Variants in CCNY observed in about 807,000 individuals in gnomAD.
CCNY encodes the protein cyclin Y.
A neutral mutation model predicts 42.8 loss-of-function variants in CCNY; 19 were observed. The observed-to-expected ratio is 0.44, with a 90% CI of 0.31 to 0.65. The LOEUF is 0.65. Among genes scored for constraint, CCNY ranks in the 30% least tolerant of loss-of-function variants. The probability of loss-of-function intolerance (pLI) is 0.07; values close to 1 mark genes in which losing one functional copy is unlikely to be tolerated. For missense variants in CCNY, 370 were observed against 437.3 expected (o/e 0.85, Z 1.37); for synonymous variants, 165 against 162.7 (o/e 1.01, Z -0.11).
intron 2 of CCNY, among the ~76,000 whole-genome samples, chr10:35,500,550 C>T (rs1048896301): frequency 6.6e-6 from 1 of 152,120 alleles, no homozygotes; most frequent in African/African-American, 2.4e-5. Flanking sequence ...TTAGGGTACC[C>T]CAAGATAACA....
At chr10:35,416,160 CGTGTGTGT>C (rs57188309) in intron 1 of CCNY, among the ~76,000 whole-genome samples, 68 of 144,590 alleles carry the variant, frequency 4.7e-4, no homozygotes, top group South Asian at 1.8e-3. Flanking sequence ...TTGTGGCACC[CGTGTGTGT>C]GTGTGTGTGT....
chr10:35,478,284 A>T (rs937650484), intron 1 of CCNY, among the ~76,000 whole-genome samples: 4 of 151,346 alleles, frequency 2.6e-5, no homozygotes, highest in African/African-American at 9.7e-5. Context: ...ATTGGAAAAA[A>T]CTACTTTAAA....
At chr10:35,458,382 T>C (rs773514206) in intron 1 of CCNY, among the ~76,000 whole-genome samples, 1 of 152,246 alleles carries the variant, frequency 6.6e-6, no homozygotes, top group Non-Finnish European at 1.5e-5. Context: ...CATACAGAGT[T>C]TGTAAAGATT....
At chr10:35,557,140 A>G (rs1214065352) in intron 8 of CCNY, among the ~76,000 whole-genome samples, 4 of 152,148 alleles carry the variant, frequency 2.6e-5, no homozygotes, top group Admixed American at 2.6e-4. Context: ...TAGTTGTTGT[A>G]AAGGATGTTA....
intron 1 of CCNY, among the ~76,000 whole-genome samples, chr10:35,371,568 A>G (rs1224799518): frequency 1.3e-5 from 2 of 151,964 alleles, no homozygotes; most frequent in Non-Finnish European, 2.9e-5. Context: ...GACCTTCCCA[A>G]CCAAGTCTGG....
At chr10:35,443,323 T>C (rs372272785) in intron 1 of CCNY, among the ~76,000 whole-genome samples, 1 of 152,274 alleles carries the variant, frequency 6.6e-6, no homozygotes, top group East Asian at 1.9e-4. Flanking sequence ...TTAAAACTTT[T>C]TGACTTTTGA....
intron 4 of CCNY, among the ~76,000 whole-genome samples, chr10:35,521,087 T>C (rs1414656193): frequency 6.6e-6 from 1 of 152,232 alleles, no homozygotes; most frequent in Non-Finnish European, 1.5e-5. Flanking sequence ...ACATTGCTAA[T>C]TTAGCTCTGG....
intron 7 of CCNY, among the ~76,000 whole-genome samples, chr10:35,548,296 A>ATATATG (rs1554800422): frequency 1.4e-5 from 2 of 146,676 alleles, no homozygotes; most frequent in Non-Finnish European, 3.0e-5. Context: ...ATTTATGTAT[A>ATATATG]TATATATATA....
At chr10:35,340,146 C>T (rs1338852303) in intron 1 of CCNY, among the ~76,000 whole-genome samples, 1 of 152,140 alleles carries the variant, frequency 6.6e-6, no homozygotes. Flanking sequence ...AGAAATGAGT[C>T]ACTGAGAGGA....
intron 1 of CCNY, among the ~76,000 whole-genome samples, chr10:35,376,277 G>A (rs1417515528): frequency 1.3e-5 from 2 of 152,226 alleles, no homozygotes; most frequent in Non-Finnish European, 2.9e-5. Context: ...AGTTAAACAT[G>A]AAGTTACCGT....
chr10:35,396,105 T>G (rs1256823469), intron 1 of CCNY, among the ~76,000 whole-genome samples: 1 of 152,166 alleles, frequency 6.6e-6, no homozygotes, highest in Non-Finnish European at 1.5e-5. Flanking sequence ...GTCCCCAGCA[T>G]GGCGTTTTGC....
intron 2 of CCNY, among the ~76,000 whole-genome samples, chr10:35,497,742 A>AG (rs1840030139): frequency 6.6e-6 from 1 of 151,954 alleles, no homozygotes; most frequent in African/African-American, 2.4e-5. Flanking sequence ...AAAAAAAAAA[A>AG]AAAAAAATTC....
At chr10:35,524,911 A>G (rs1840621620) in intron 4 of CCNY, among the ~76,000 whole-genome samples, 1 of 152,200 alleles carries the variant, frequency 6.6e-6, no homozygotes, top group Admixed American at 6.5e-5. Flanking sequence ...TTCCGCAAAG[A>G]TGTTTGGCAA....
At chr10:35,554,347 A>G (rs1183155898) in intron 8 of CCNY, among the ~76,000 whole-genome samples, 4 of 152,218 alleles carry the variant, frequency 2.6e-5, no homozygotes, top group African/African-American at 9.7e-5. Flanking sequence ...CTGCAGACCT[A>G]TAAAATTTCA....
intron 1 of CCNY, among the ~76,000 whole-genome samples, chr10:35,358,147 C>T (rs980169777): frequency 1.4e-4 from 21 of 151,934 alleles, no homozygotes; most frequent in Middle Eastern, 3.4e-3. Context: ...GTCATACTTC[C>T]CTTTACAGAA....
At chr10:35,319,421 G>A (rs1194584587) in intron 3 of CCNY, among the ~76,000 whole-genome samples, 1 of 151,682 alleles carries the variant, frequency 6.6e-6, no homozygotes, top group Non-Finnish European at 1.5e-5. Flanking sequence ...AGAGCAAGCA[G>A]GAAAAGAAAA....
chr10:35,544,566 T>G (rs895142803), intron 7 of CCNY, among the ~76,000 whole-genome samples: 1 of 152,210 alleles, frequency 6.6e-6, no homozygotes, highest in Non-Finnish European at 1.5e-5. Flanking sequence ...TGACTATACT[T>G]CCAAGATGTT....
intron 1 of CCNY, among the ~76,000 whole-genome samples, chr10:35,450,066 TG>T (rs1195409191): frequency 6.6e-6 from 1 of 151,990 alleles, no homozygotes; most frequent in Non-Finnish European, 1.5e-5. Context: ...TGGTGGCACG[TG>T]AGAGCACCAG....
At chr10:35,290,222 T>TCTCACACACACACACACA (rs1554774113) in intron 3 of CCNY, among the ~76,000 whole-genome samples, 5 of 122,910 alleles carry the variant, frequency 4.1e-5, no homozygotes, top group African/African-American at 1.6e-4. Context: ...CAAGACTCCA[T>TCTCACACACACACACACA]CACACACACA....
Sources: gnomAD v4.1 joint callset for allele counts (sites outside exome capture counted in the v4.1 genomes callset) on GRCh38, gnomAD v4.1.1 for gene constraint, MANE v1.5 for transcripts, NCBI Gene and HGNC (gene_info 2026-07-23, HGNC 2026-07-21) for gene names.